BCAS1: variants seen among roughly 807,000 people sequenced by gnomAD.
The protein encoded by BCAS1 is breast carcinoma-amplified sequence 1.
BCAS1 carries 46 observed loss-of-function variants against 65.4 expected under a neutral mutation model. The ratio of observed to expected loss-of-function variants is 0.70; its 90% CI spans 0.55 to 0.90. BCAS1 has a LOEUF of 0.90. BCAS1 is among the 40% of genes least tolerant of loss of function. The probability of loss-of-function intolerance (pLI) is 0.00; values close to 1 mark genes in which losing one functional copy is unlikely to be tolerated. For missense variants in BCAS1, 793 were observed against 771.2 expected (o/e 1.03, Z -0.33); for synonymous variants, 298 against 293.5 (o/e 1.02, Z -0.16).
At chr20:53,966,641 C>T (rs561125311) in intron 10 of BCAS1, among the ~76,000 whole-genome samples, 3 of 152,204 alleles carry the variant, frequency 2.0e-5, no homozygotes, top group South Asian at 2.1e-4. Context: ...AAAAAAATTC[C>T]AACCCAAGGG....
At chr20:54,038,840 T>C (rs920842948) in intron 3 of BCAS1, among the ~76,000 whole-genome samples, 2 of 151,160 alleles carry the variant, frequency 1.3e-5, no homozygotes, top group Non-Finnish European at 3.0e-5. Flanking sequence ...CAAAGGGAAA[T>C]TGTACATCTT....
chr20:53,981,224 C>T (rs1020415670), intron 8 of BCAS1, among the ~76,000 whole-genome samples: 1 of 152,118 alleles, frequency 6.6e-6, no homozygotes, highest in Non-Finnish European at 1.5e-5. Context: ...TCACAGTAGC[C>T]CTAAGACATT....
intron 12 of BCAS1, among the ~76,000 whole-genome samples, chr20:53,952,345 AG>A (rs2089553886): frequency 6.6e-6 from 1 of 152,292 alleles, no homozygotes; most frequent in South Asian, 2.1e-4. Flanking sequence ...AGTGGTGAAG[AG>A]GGGCTTCCAT....
At chr20:54,037,470 C>T (rs932255081) in intron 3 of BCAS1, among the ~76,000 whole-genome samples, 1 of 151,340 alleles carries the variant, frequency 6.6e-6, no homozygotes, top group Non-Finnish European at 1.5e-5. Flanking sequence ...AGCCTAACGA[C>T]ATCAAGCTGT....
intron 10 of BCAS1, among the ~76,000 whole-genome samples, chr20:53,959,099 ATTGTTT>A (rs554815577): frequency 8.2e-4 from 125 of 152,162 alleles, no homozygotes; most frequent in African/African-American, 2.5e-3. Flanking sequence ...TGATATTATT[ATTGTTT>A]TTAAGAGACA....
chr20:53,971,760 A>T (rs1410312312), intron 9 of BCAS1, among the ~76,000 whole-genome samples: 1 of 152,224 alleles, frequency 6.6e-6, no homozygotes, highest in African/African-American at 2.4e-5. Flanking sequence ...TTCACTTGCA[A>T]CTGAGAGATT....
intron 1 of BCAS1, among the ~76,000 whole-genome samples, chr20:54,062,665 A>T (rs912489045): frequency 3.3e-5 from 5 of 152,240 alleles, no homozygotes; most frequent in African/African-American, 1.2e-4. Context: ...GGTGTACAGA[A>T]GTAGGAGAGA....
chr20:53,991,836 G>A (rs187242369), intron 7 of BCAS1, among the ~76,000 whole-genome samples: 116 of 152,324 alleles, frequency 7.6e-4, no homozygotes, highest in Non-Finnish European at 1.1e-3. Flanking sequence ...GTGGATCAGA[G>A]AAGATTATAG....
At chr20:53,996,408 T>C (rs1275144193) in intron 4 of BCAS1, among the ~76,000 whole-genome samples, 1 of 148,222 alleles carries the variant, frequency 6.7e-6, no homozygotes. Context: ...ATGTGTACAT[T>C]ATCCCCAGAG....
intron 1 of BCAS1, among the ~76,000 whole-genome samples, chr20:54,064,707 TAAA>T (rs2092415341): frequency 6.6e-6 from 1 of 152,226 alleles, no homozygotes; most frequent in Admixed American, 6.5e-5. Flanking sequence ...CAGGCATCCG[TAAA>T]ATCCCACGAT....
At chr20:53,993,749 C>T (rs974080643) in intron 6 of BCAS1, among the ~76,000 whole-genome samples, 9 of 152,184 alleles carry the variant, frequency 5.9e-5, no homozygotes, top group African/African-American at 2.2e-4. Flanking sequence ...GAACTTGACC[C>T]TATGACCTCG....
At chr20:54,063,973 AC>A (rs1299245360) in intron 1 of BCAS1, among the ~76,000 whole-genome samples, 1 of 147,688 alleles carries the variant, frequency 6.8e-6, no homozygotes, top group Non-Finnish European at 1.5e-5. Context: ...TTTACATTAA[AC>A]ATACGAAGCT....
At chr20:54,056,238 T>TACAC (rs147707061) in intron 3 of BCAS1, among the ~76,000 whole-genome samples, 8 of 149,460 alleles carry the variant, frequency 5.4e-5, no homozygotes, top group Non-Finnish European at 1.0e-4. Context: ...TATATACACA[T>TACAC]ACACACACAC....
At chr20:53,957,598 G>T in intron 10 of BCAS1, 101 bp from the exon 11 acceptor site, 1 of 1,149,548 alleles carries the variant, frequency 8.7e-7, no homozygotes, top group Non-Finnish European at 1.3e-6. Flanking sequence ...TATCATTGAG[G>T]TTTGGGGTCA....
chr20:53,947,104 G>T (rs1003015327), intron 12 of BCAS1, among the ~76,000 whole-genome samples: 2 of 152,086 alleles, frequency 1.3e-5, no homozygotes, highest in African/African-American at 4.8e-5. Flanking sequence ...GAATCAGATT[G>T]CTGGTCTTTG....
At chr20:53,945,469 T>G (rs1437026070) in intron 12 of BCAS1, among the ~76,000 whole-genome samples, 2 of 152,118 alleles carry the variant, frequency 1.3e-5, no homozygotes, top group Non-Finnish European at 2.9e-5. Flanking sequence ...TTGTTACATA[T>G]GTATACATGT....
chr20:54,018,578 C>T (rs1568882975), intron 4 of BCAS1, among the ~76,000 whole-genome samples: 1 of 152,116 alleles, frequency 6.6e-6, no homozygotes, highest in Non-Finnish European at 1.5e-5. Flanking sequence ...CCTCGTGATC[C>T]ACTTGCCTCG....
intron 3 of BCAS1, among the ~76,000 whole-genome samples, chr20:54,057,319 T>C (rs551831405): frequency 7.9e-5 from 12 of 152,346 alleles, no homozygotes; most frequent in African/African-American, 2.4e-4. Context: ...GGAGACTATG[T>C]TAAATGTTTA....
At chr20:54,016,730 A>G (rs781674726) in intron 4 of BCAS1, among the ~76,000 whole-genome samples, 3 of 152,234 alleles carry the variant, frequency 2.0e-5, no homozygotes, top group Non-Finnish European at 4.4e-5. Flanking sequence ...CTAGATTTCC[A>G]TTGTCCTCTG....
Sources: allele counts gnomAD v4.1 joint callset (sites outside exome capture counted in the v4.1 genomes callset), GRCh38; gene constraint gnomAD v4.1.1; transcripts MANE v1.5; gene names NCBI Gene and HGNC (gene_info 2026-07-23, HGNC 2026-07-21).